The following ZNF708 variants were observed in gnomAD, a reference collection of about 807,000 sequenced individuals.
ZNF708 encodes ZNF15, ZNF15L1.
ZNF708 carries 44 observed loss-of-function variants against 47.0 expected under a neutral mutation model. The observed-to-expected ratio is 0.94, with a 90% CI of 0.74 to 1.20. ZNF708 has a LOEUF of 1.20. Among genes scored for constraint, ZNF708 ranks in the 50% most tolerant of loss-of-function variants. ZNF708 has a pLI of 0.00. For missense variants in ZNF708, 557 were observed against 656.0 expected (o/e 0.85, Z 1.65); for synonymous variants, 184 against 218.5 (o/e 0.84, Z 1.39).
At chr19:21,323,736 C>T (rs543253385) in intron 1 of ZNF708, among the ~76,000 whole-genome samples, 66 of 152,298 alleles carry the variant, frequency 4.3e-4, no homozygotes, top group Admixed American at 1.1e-3. Context: ...CTGTGGGTCC[C>T]CAGCTTTCCA....
intron 1 of ZNF708, among the ~76,000 whole-genome samples, chr19:21,317,841 A>G (rs973624396): frequency 1.1e-4 from 17 of 152,218 alleles, no homozygotes; most frequent in African/African-American, 4.1e-4. Flanking sequence ...AACTTTTCAC[A>G]TCTTCATGAC....
intron 3 of ZNF708, among the ~76,000 whole-genome samples, chr19:21,305,610 C>T (rs923571991): frequency 4.6e-5 from 7 of 151,838 alleles, no homozygotes; most frequent in Non-Finnish European, 8.8e-5. Flanking sequence ...AGGCACCCGC[C>T]ACCACGCCCA....
At chr19:21,316,817 G>T (rs1054203053) in intron 1 of ZNF708, among the ~76,000 whole-genome samples, 7 of 149,108 alleles carry the variant, frequency 4.7e-5, no homozygotes, top group African/African-American at 1.7e-4. Context: ...ACGAAGTTTC[G>T]CTCTTGTTGC....
In ZNF708 at chr19:21,309,401, T is replaced by G. The variant is rs1232195754; in HGVS notation, c.131-60A>C. On this transcript the variant is annotated intron_variant, in intron 2 of 3. Coordinates refer to ENST00000356929, the MANE Select transcript of ZNF708 (RefSeq NM_021269.3). ...TCATATTCTCCAATTACCAACCTAG[T>G]AATTTTCTCAGTAAAGAGAATGTAG... 7.7e-6 allele frequency: 11 copies of G among 1,437,518 alleles called. No individual in the cohort carries two copies. In the East Asian group the frequency reaches 2.9e-4, roughly 37 times the overall value. 89.0% of individuals were successfully genotyped at this position (1,437,518 alleles called of 1,614,324 possible). A position where few individuals can be genotyped will look rare whatever the true frequency, so the allele number is the denominator to read the frequency against.
At position 21,312,852 on chromosome 19, in the gene ZNF708, A is replaced by G. The variant is rs566785230; in HGVS notation, c.4-2225T>C. On this transcript the variant is annotated intron_variant, in intron 1 of 3. Transcript: ENST00000356929. ...TTTCTGGTACAAATAAAGACAACCC[A>G]TCTTCATCCTAAAGTTTCATATTAT... Among the ~76,000 whole-genome samples, 39 of 152,378 alleles carry G rather than the reference A, an allele frequency of 2.6e-4. No homozygotes were observed. In the South Asian group the frequency reaches 7.5e-3, roughly 29 times the overall value.
At chr19:21,309,491 T>A (rs962577322) in intron 2 of ZNF708, 150 bp from the exon 3 acceptor site, 2 of 636,574 alleles carry the variant, frequency 3.1e-6, no homozygotes, top group Non-Finnish European at 4.7e-6. Flanking sequence ...GTAGATCACC[T>A]GAGGTCAGGA....
At chr19:21,310,054 T>C (rs1207482238) in intron 2 of ZNF708, among the ~76,000 whole-genome samples, 2 of 151,650 alleles carry the variant, frequency 1.3e-5, no homozygotes, top group South Asian at 2.1e-4. Flanking sequence ...TAAAAACAGG[T>C]AGTTGAAACT....
intron 1 of ZNF708, among the ~76,000 whole-genome samples, chr19:21,326,093 G>C (rs1973251097): frequency 6.6e-6 from 1 of 152,136 alleles, no homozygotes; most frequent in South Asian, 2.1e-4. Flanking sequence ...GGTGAACAGG[G>C]AACACTTCTA....
At chr19:21,327,721 A>G (rs1307769194) in intron 1 of ZNF708, among the ~76,000 whole-genome samples, 3 of 151,412 alleles carry the variant, frequency 2.0e-5, no homozygotes, top group Non-Finnish European at 4.4e-5. Context: ...CTTTTGGGAT[A>G]CTTTTTTTTT....
chr19:21,313,211 C>G (rs183003005), intron 1 of ZNF708, among the ~76,000 whole-genome samples: 339 of 151,160 alleles, frequency 2.2e-3, no homozygotes, highest in African/African-American at 8.0e-3. Flanking sequence ...TCGCTTGAAC[C>G]CAGGAAGAAG....
At chr19:21,297,270 A>ATTTTT (rs1157234305) in intron 3 of ZNF708, among the ~76,000 whole-genome samples, 3 of 46,678 alleles carry the variant, frequency 6.4e-5, no homozygotes, top group South Asian at 9.7e-4. Flanking sequence ...ATATATATAT[A>ATTTTT]TTTTTTTTTT....
chr19:21,329,209 C>CGTGA lies in ZNF708; in HGVS notation c.3_3+1insTCAC (p.Gly2SerfsTer30). 6.2e-7 allele frequency: 1 copy of CGTGA among 1,612,226 alleles called. No homozygotes were observed. Among genetic ancestry groups the CGTGA allele is most frequent in the Non-Finnish European group, 8.5e-7 (1 of 1,178,656 alleles). On this transcript the variant is annotated frameshift_variant and splice_region_variant. Transcript: ENST00000356929. LOFTEE classifies it high-confidence loss of function. ...CTCGGGATGTCGGACGGCACTCTCA[C>CGTGA]CATTTCTAGGCTTCCAGAGGGTCCT... is the stretch of plus-strand genomic sequence containing the variant.
chr19:21,298,631 C>T (rs1254659300), intron 3 of ZNF708, among the ~76,000 whole-genome samples: 1 of 146,548 alleles, frequency 6.8e-6, no homozygotes, highest in Non-Finnish European at 1.5e-5. Context: ...CAGTTCTTTA[C>T]TTCAAAATAC....
chr19:21,314,719 C>T (rs908179575), intron 1 of ZNF708, among the ~76,000 whole-genome samples: 1 of 152,122 alleles, frequency 6.6e-6, no homozygotes, highest in Admixed American at 6.5e-5. Context: ...TACCAGAAAA[C>T]TGGAGAAATT....
intron 3 of ZNF708, among the ~76,000 whole-genome samples, chr19:21,304,526 A>G (rs1306638123): frequency 6.6e-6 from 1 of 152,208 alleles, no homozygotes; most frequent in African/African-American, 2.4e-5. Flanking sequence ...CAAAAGCAAG[A>G]GAATACACAC....
intron 3 of ZNF708, 120 bp downstream of exon 3, chr19:21,309,126 A>C: frequency 9.6e-7 from 1 of 1,036,928 alleles, no homozygotes; most frequent in Non-Finnish European, 1.4e-6. Flanking sequence ...AGTTAAAAAA[A>C]CAAAACAGCT....
rs1443403174 is a variant in ZNF708 at position 21,293,479 on chromosome 19, A to G, written c.1487T>C (p.Ile496Thr). Reference sequence around the variant, plus strand: ...GTAGGGTTTCTCTCCAGTATGAATTATCTTATGTGTAGTAAGATGAGAGGA... The same window carrying G: ...GTAGGGTTTCTCTCCAGTATGAATTGTCTTATGTGTAGTAAGATGAGAGGA... ...ILSSHLTTHK[I>T]IHTGEKPYKC... The change falls in exon 4 of 4, where the codon ATA (isoleucine) becomes ACA (threonine). Residue 496 changes from isoleucine to threonine, a missense_variant. Physicochemically the swap from Ile to Thr is moderately conservative, Grantham distance 89. Transcript: ENST00000356929. 1.2e-6 allele frequency: 2 copies of G among 1,613,304 alleles called. No individual in the cohort carries two copies. Among genetic ancestry groups the G allele is most frequent in the Non-Finnish European group, 1.7e-6 (2 of 1,179,730 alleles).
chr19:21,316,786 CTCTT>C (rs1973022977), intron 1 of ZNF708, among the ~76,000 whole-genome samples: 2 of 150,922 alleles, frequency 1.3e-5, no homozygotes, highest in African/African-American at 2.4e-5. Flanking sequence ...AATCCCATCT[CTCTT>C]TTTTTTTTTT....
chr19:21,322,131 G>A (rs1423099204), intron 1 of ZNF708, among the ~76,000 whole-genome samples: 1 of 152,104 alleles, frequency 6.6e-6, no homozygotes, highest in South Asian at 2.1e-4. Context: ...AGAAACACCA[G>A]GATCAAAAAT....
Sources: allele counts gnomAD v4.1 joint callset (sites outside exome capture counted in the v4.1 genomes callset), GRCh38; gene constraint gnomAD v4.1.1; transcripts MANE v1.5; gene names NCBI Gene and HGNC (gene_info 2026-07-23, HGNC 2026-07-21).